The following TNRC18 variants were observed in gnomAD, a reference collection of about 807,000 sequenced individuals.
The protein encoded by TNRC18 is trinucleotide repeat-containing gene 18 protein.
A neutral mutation model predicts 226.7 loss-of-function variants in TNRC18; 69 were observed. The observed-to-expected ratio is 0.30, with a 90% confidence interval of 0.25 to 0.37. The LOEUF (loss-of-function observed/expected upper bound fraction) is 0.37, where lower values mean the gene tolerates loss of function less well. Among genes scored for constraint, TNRC18 ranks in the 10% least tolerant of loss-of-function variants. TNRC18 has a pLI of 1.00. For synonymous variants in TNRC18, 2,449 were observed against 1,927.6 expected (o/e 1.27, Z -7.09); for missense variants, 4,754 against 4,256.6 (o/e 1.12, Z -3.25).
At chr7:5,326,247 A>AT (rs1178235260) in intron 19 of TNRC18, among the ~76,000 whole-genome samples, 1 of 151,658 alleles carries the variant, frequency 6.6e-6, no homozygotes. Context: ...CACACACAGT[A>AT]TTTTAAAAAA....
chr7:5,332,616 C>A lies in TNRC18; in HGVS notation c.6147+6G>T, dbSNP rs1444893676. ...CTGCGGCACCCCCTCCCAGCGCGGC[C>A]CCTACCTTCCTGGGGTCCTTCCTGT... On this transcript the variant is annotated splice_donor_region_variant and intron_variant, in intron 19 of 29. Transcript: ENST00000430969. 6.6e-7 allele frequency: 1 copy of A among 1,521,988 alleles called. No homozygotes were observed. Among genetic ancestry groups the A allele is most frequent in the Non-Finnish European group, 8.8e-7 (1 of 1,136,688 alleles). The allele number at this position is 1,521,988 out of a possible 1,614,324, so 94.3% of individuals were successfully genotyped here.
At chr7:5,410,991 A>C (rs1781803373) in intron 2 of TNRC18, among the ~76,000 whole-genome samples, 1 of 151,768 alleles carries the variant, frequency 6.6e-6, no homozygotes, top group African/African-American at 2.4e-5. Flanking sequence ...GGATCACTTG[A>C]GGTCAGGAGT....
Position 5,387,811 on chromosome 7 carries a change from G to T in TNRC18, c.2013C>A (p.Ala671=). The T allele has an allele frequency of 1.2e-6, 2 of 1,607,476 alleles. No individual in the cohort carries two copies. The highest frequency in any genetic ancestry group is 1.7e-6 in the Non-Finnish European group (2 of 1,179,664). The change falls in exon 5 of 30, where the codon GCC becomes GCA. Residue 671 remains alanine (A), a synonymous_variant. Transcript: ENST00000430969. ...GGTGTCGCACTTCTGCCTCACCCTGGGCACCAGAGCCCTCGCGCCCGAAAG... is the reference window on the plus strand; with the variant it reads ...GGTGTCGCACTTCTGCCTCACCCTGTGCACCAGAGCCCTCGCGCCCGAAAG... ...AKAFGREGSG[A]QGEAEVRHPP...
chr7:5,356,987 C>CCCA lies in TNRC18; in HGVS notation c.5120_5122dup (p.Val1707dup). 1 of 1,552,204 alleles carries CCCA rather than the reference C, an allele frequency of 6.4e-7. No homozygotes were observed. The highest frequency in any genetic ancestry group is 8.7e-7 in the Non-Finnish European group (1 of 1,147,096). ...CTTGGGCTGGCCTCTGGCCTTGAAC[C>CCCA]CCACCTCCATCTTCCTGGTTTTGGC... On this transcript the variant is annotated inframe_insertion, in exon 16 of 30. Transcript: ENST00000430969.
chr7:5,391,712 A>G (rs1249629853), intron 3 of TNRC18, among the ~76,000 whole-genome samples: 1 of 151,428 alleles, frequency 6.6e-6, no homozygotes, highest in Non-Finnish European at 1.5e-5. Flanking sequence ...GAGAGCACAC[A>G]GAGGCCAGGC....
In TNRC18 at chr7:5,313,651, C is replaced by G. The variant is rs1787532002; in HGVS notation, c.7240G>C (p.Glu2414Gln). 2 of 1,605,732 alleles carry G rather than the reference C, an allele frequency of 1.2e-6. No individual in the cohort carries two copies. Among genetic ancestry groups the G allele is most frequent in the Non-Finnish European group, 8.5e-7 (1 of 1,177,034 alleles). Residue 2414 changes from glutamate to glutamine, a missense_variant, in exon 27 of 30, where the codon GAG becomes CAG. Transcript: ENST00000430969. ...AGGGAGGTGGCAGGAGCTGGCAGCT[C>G]TGCAAATGGCTCGGGTGCTGGGCAG... Reference protein sequence around the residue: ...TSCPAPEPFAELPAPATSLAP... With the variant: ...TSCPAPEPFAQLPAPATSLAP...
intron 1 of TNRC18, among the ~76,000 whole-genome samples, 182 bp from the exon 2 acceptor site, chr7:5,421,671 C>T (rs1321254580): frequency 2.0e-5 from 3 of 152,222 alleles, no homozygotes; most frequent in Admixed American, 1.3e-4. Context: ...ATCCAAACTC[C>T]TTCCGCCGGC....
Position 5,374,410 on chromosome 7 carries a change from C to T in TNRC18, c.2874G>A (p.Ala958=), listed in dbSNP as rs1308482939. The change falls in exon 10 of 30, where the codon GCG becomes GCA. Residue 958 remains alanine, a synonymous_variant. Coordinates refer to ENST00000430969, the MANE Select transcript of TNRC18 (RefSeq NM_001080495.3). ...CGGCGGTGGCCAGGCCAGCCTTGCC[C>T]GCAGCCTCCAGGCCCCGCTTGCTCC... The part of the protein sequence containing the change: ...EKGSKRGLEA[A]GKAGLATAGP... The T allele has an allele frequency of 3.6e-5, 55 of 1,536,362 alleles. No individual in the cohort carries two copies. The highest frequency in any genetic ancestry group is 4.1e-4 in the Middle Eastern group (2 of 4,830).
At chr7:5,403,921 G>C (rs1376550425) in intron 2 of TNRC18, among the ~76,000 whole-genome samples, 1 of 152,108 alleles carries the variant, frequency 6.6e-6, no homozygotes, top group Admixed American at 6.6e-5. Flanking sequence ...AGGTAACATA[G>C]GTGTTTCCGA....
At chr7:5,370,209 G>C (rs939809397) in intron 11 of TNRC18, among the ~76,000 whole-genome samples, 166 bp downstream of exon 11, 1 of 152,082 alleles carries the variant, frequency 6.6e-6, no homozygotes, top group African/African-American at 2.4e-5. Flanking sequence ...TGTAGCCCAA[G>C]CTACTGGGGA....
chr7:5,401,612 G>A (rs1434314045), intron 2 of TNRC18, among the ~76,000 whole-genome samples: 1 of 152,222 alleles, frequency 6.6e-6, no homozygotes, highest in African/African-American at 2.4e-5. Context: ...TCTGCTGCCT[G>A]TTGCCAGGAA....
In TNRC18 at chr7:5,312,500, C is replaced by T; in HGVS notation, c.8388+3G>A. On this transcript the variant is annotated splice_donor_region_variant and intron_variant, in intron 27 of 29. Transcript: ENST00000430969. This position sits in a 1 kb window ranked among gnomAD's most constrained non-coding sequence, Gnocchi z 6.3. The stretch of plus-strand genomic sequence containing the variant: ...GGCCGTGCCCGGGCGCGAGCTTGCT[C>T]ACCTGGGTGGGCTTGCCGAACCACT... 3 of 1,610,338 alleles carry T rather than the reference C, an allele frequency of 1.9e-6. No homozygotes were observed. The highest frequency in any genetic ancestry group is 2.5e-6 in the Non-Finnish European group (3 of 1,179,140).
intron 19 of TNRC18, among the ~76,000 whole-genome samples, chr7:5,330,184 G>A (rs1477714156): frequency 4.6e-5 from 7 of 151,960 alleles, no homozygotes; most frequent in South Asian, 2.1e-4. Flanking sequence ...TGCCCACCTC[G>A]GCCTCCCAAA....
At chr7:5,339,365 A>G (rs2128133772) in intron 18 of TNRC18, among the ~76,000 whole-genome samples, 1 of 150,884 alleles carries the variant, frequency 6.6e-6, no homozygotes, top group South Asian at 2.1e-4. Flanking sequence ...ACAACCTCCC[A>G]AGTAGCTGGG....
intron 9 of TNRC18, among the ~76,000 whole-genome samples, chr7:5,375,015 C>A (rs1444319223): frequency 6.6e-6 from 1 of 152,106 alleles, no homozygotes; most frequent in African/African-American, 2.4e-5. Context: ...AGTCAATACA[C>A]AAAACACACT....
rs995752739 is a variant in TNRC18 at position 5,389,514 on chromosome 7, G to T, written c.488-178C>A. 16 of 804,110 alleles carry T rather than the reference G, an allele frequency of 2.0e-5. No homozygotes were observed. The African/African-American group carries it at 3.3e-4, about 17-fold the overall frequency. 49.8% of individuals were successfully genotyped at this position (804,110 alleles called of 1,614,324 possible). ...TCCTCACCCAGGCTGGAGTACAGTG[G>T]CGCAACCTTGGCTCACTGCAACCTC... On this transcript the variant is annotated intron_variant, in intron 4 of 29. Transcript: ENST00000430969.
At chr7:5,371,444 A>G (rs1479490586) in intron 10 of TNRC18, 80 bp from the exon 11 acceptor site, 3 of 1,423,174 alleles carry the variant, frequency 2.1e-6, no homozygotes, top group Non-Finnish European at 2.8e-6. Context: ...CCACCACCCC[A>G]GACAGAGACC....
At position 5,388,354 on chromosome 7, in the gene TNRC18, G is replaced by T; in HGVS notation, c.1470C>A (p.Ala490=). Residue 490 remains alanine, a synonymous_variant, in exon 5 of 30, where the codon GCC becomes GCA. Coordinates refer to ENST00000430969, the MANE Select transcript of TNRC18 (RefSeq NM_001080495.3). ...RGPAGPAAQQ[A]AKLFGLEPGR... ...CGGGCTCCAGGCCGAAGAGCTTGGC[G>T]GCCTGTTGGGCTGCAGGACCGGCTG... is the stretch of plus-strand genomic sequence containing the variant. 6.3e-7 allele frequency: 1 copy of T among 1,576,278 alleles called. No homozygotes were observed.
rs547697481 is a variant in TNRC18, at chr7:5,312,040, G to T, written c.8388+463C>A. Among the ~76,000 whole-genome samples the T allele has an allele frequency of 8.5e-5, 13 of 152,272 alleles. No individual in the cohort carries two copies. The highest frequency in any genetic ancestry group is 3.1e-4 in the African/African-American group (13 of 41,554). On this transcript the variant is annotated intron_variant, in intron 27 of 29. Coordinates refer to ENST00000430969, the MANE Select transcript of TNRC18 (RefSeq NM_001080495.3). This position sits in a 1 kb window ranked among gnomAD's most constrained non-coding sequence, Gnocchi z 6.3. Reference sequence around the variant, plus strand: ...AATCCCAGCTACTTGGGAGGCTGACGCAGGAGAATTGCTTGAACCCGGGAG... The same window carrying T: ...AATCCCAGCTACTTGGGAGGCTGACTCAGGAGAATTGCTTGAACCCGGGAG...
Sources: allele counts gnomAD v4.1 joint callset (sites outside exome capture counted in the v4.1 genomes callset), GRCh38; gene constraint gnomAD v4.1.1; non-coding constraint Gnocchi (gnomAD v3.1); transcripts MANE v1.5; gene names NCBI Gene and HGNC (gene_info 2026-07-23, HGNC 2026-07-21).